PTPRT: variants seen among roughly 807,000 people sequenced by gnomAD.
PTPRT encodes protein tyrosine phosphatase receptor type T, also known as receptor-type tyrosine-protein phosphatase T.
In PTPRT, 56 loss-of-function variants were observed where a neutral mutation model predicts 176.8. That is an observed-to-expected ratio of 0.32 (90% CI 0.26 to 0.40). The LOEUF (loss-of-function observed/expected upper bound fraction) is 0.40, where lower values mean the gene tolerates loss of function less well. Among genes scored for constraint, PTPRT ranks in the 10% least tolerant of loss-of-function variants. PTPRT has a pLI of 1.00. For synonymous variants in PTPRT, 783 were observed against 739.0 expected (o/e 1.06, Z -0.96); for missense variants, 1,540 against 1,908.2 (o/e 0.81, Z 3.60).
intron 2 of PTPRT, among the ~76,000 whole-genome samples, chr20:42,813,972 A>C (rs894064869): frequency 2.6e-4 from 39 of 152,122 alleles, no homozygotes; most frequent in African/African-American, 7.5e-4. Flanking sequence ...TGCTTTGTTT[A>C]TACCCCCATC....
chr20:42,061,135 G>A, the PTPRT span, among the ~76,000 whole-genome samples: 1 of 152,182 alleles, frequency 6.6e-6, no homozygotes, highest in Admixed American at 6.5e-5. Context: ...CATCTCAGTG[G>A]CTTCATCTAT....
intron 7 of PTPRT, among the ~76,000 whole-genome samples, chr20:42,477,955 G>C (rs1047338267): frequency 6.6e-6 from 1 of 152,194 alleles, no homozygotes; most frequent in South Asian, 2.1e-4. Flanking sequence ...GGGCCAATGG[G>C]CTGGCCAAAG....
chr20:42,551,342 C>T (rs953309859), intron 7 of PTPRT, among the ~76,000 whole-genome samples: 1 of 152,212 alleles, frequency 6.6e-6, no homozygotes, highest in East Asian at 1.9e-4. Flanking sequence ...ATCAGGCACA[C>T]ACAAAAAGCA....
rs146498065 is a variant in PTPRT at position 43,154,254 on chromosome 20, G to A, written c.88+35392C>T. Among the ~76,000 whole-genome samples the A allele has an allele frequency of 2.6e-5, 4 of 152,244 alleles. No homozygotes were observed. In the East Asian group the frequency reaches 7.7e-4, roughly 29 times the overall value. On this transcript the variant is annotated intron_variant, in intron 1 of 30. Transcript: ENST00000373187. ...TCTGCATATGGATATCCACTTTCCCGAATACCATTTACTGGCAAGACTGTC... is the reference window on the plus strand; with the variant it reads ...TCTGCATATGGATATCCACTTTCCCAAATACCATTTACTGGCAAGACTGTC...
Position 42,332,955 on chromosome 20 carries a change from A to G in PTPRT, c.1866-16959T>C, listed in dbSNP as rs141481157. Among the ~76,000 whole-genome samples the G allele has an allele frequency of 4.1e-3, 627 of 152,368 alleles. 5 individuals are homozygous for G. The highest frequency in any genetic ancestry group is 0.014 in the African/African-American group (586 of 41,584). On this transcript the variant is annotated intron_variant, in intron 11 of 30. Transcript: ENST00000373187. ...CAAAATCATGTAAGGCAAAGAATGCACTCAAGTGCAAGACAGATATAAATT... is the reference window on the plus strand; with the variant it reads ...CAAAATCATGTAAGGCAAAGAATGCGCTCAAGTGCAAGACAGATATAAATT...
At chr20:42,879,424 G>C (rs541439835) in intron 2 of PTPRT, among the ~76,000 whole-genome samples, 1 of 152,224 alleles carries the variant, frequency 6.6e-6, no homozygotes, top group South Asian at 2.1e-4. Flanking sequence ...ATGTGTGTAT[G>C]TATCTTTGCC....
At chr20:43,067,239 TA>T (rs1323654718) in intron 1 of PTPRT, among the ~76,000 whole-genome samples, 14 of 152,232 alleles carry the variant, frequency 9.2e-5, no homozygotes, top group Admixed American at 7.2e-4. Context: ...ACATTTTGTA[TA>T]ATTTAATGTA....
At chr20:42,484,660 C>G (rs1249113039) in intron 7 of PTPRT, among the ~76,000 whole-genome samples, 1 of 152,180 alleles carries the variant, frequency 6.6e-6, no homozygotes, top group Admixed American at 6.5e-5. Flanking sequence ...TACCGGTGCT[C>G]TTGTGAGTTA....
At chr20:42,457,644 T>C (rs973508783) in intron 8 of PTPRT, among the ~76,000 whole-genome samples, 1 of 152,188 alleles carries the variant, frequency 6.6e-6, no homozygotes, top group Non-Finnish European at 1.5e-5. Flanking sequence ...GATATATTCA[T>C]ACATTACTTG....
chr20:42,502,344 C>A (rs1236541234), intron 7 of PTPRT, among the ~76,000 whole-genome samples: 1 of 150,928 alleles, frequency 6.6e-6, no homozygotes, highest in Non-Finnish European at 1.5e-5. Flanking sequence ...CCTACAGTAT[C>A]CACTTCCAAT....
intron 9 of PTPRT, among the ~76,000 whole-genome samples, chr20:42,389,829 TGG>T (rs1259395582): frequency 4.5e-5 from 6 of 134,666 alleles, no homozygotes; most frequent in African/African-American, 1.7e-4. Context: ...CATTCCAGCC[TGG>T]GAAACAGAGC....
rs193260911 is a variant in PTPRT at position 42,920,405 on chromosome 20, A to C, written c.89-34473T>G. 2.2e-3 allele frequency among the ~76,000 whole-genome samples: 335 copies of C among 152,044 alleles called. 1 individual carries two copies. The highest frequency in any genetic ancestry group is 7.7e-3 in the African/African-American group (321 of 41,486). ...TGGAGCAGGGAGTTGGCAGGGAGGG[A>C]AGTTGAGGGGAGGGTGATAAAAAGC... On this transcript the variant is annotated intron_variant, in intron 1 of 30. Transcript: ENST00000373187.
intron 7 of PTPRT, among the ~76,000 whole-genome samples, chr20:42,664,738 T>C (rs1193957639): frequency 1.3e-5 from 2 of 152,096 alleles, no homozygotes; most frequent in African/African-American, 2.4e-5. Flanking sequence ...CAAAGTGTCA[T>C]ATAAATTTTA....
chr20:42,767,977 TAC>T (rs35599788), intron 5 of PTPRT, among the ~76,000 whole-genome samples: 36,423 of 124,850 alleles, frequency 0.29, 5,108 homozygotes, highest in East Asian at 0.44. Flanking sequence ...TATAAAATTA[TAC>T]ACACACACAC....
chr20:42,723,723 T>C (rs1193596555), intron 6 of PTPRT, among the ~76,000 whole-genome samples: 2 of 152,214 alleles, frequency 1.3e-5, no homozygotes, highest in Admixed American at 6.5e-5. Context: ...GCTTTTGAGA[T>C]ATCCTCATTG....
chr20:43,170,251 C>A (rs2014964233), intron 1 of PTPRT, among the ~76,000 whole-genome samples: 1 of 152,036 alleles, frequency 6.6e-6, no homozygotes, highest in South Asian at 2.1e-4. Flanking sequence ...TATTTATTCA[C>A]CATTTTATAT....
chr20:42,406,575 G>A (rs1288951816), intron 9 of PTPRT, among the ~76,000 whole-genome samples: 1 of 151,802 alleles, frequency 6.6e-6, no homozygotes, highest in African/African-American at 2.4e-5. Flanking sequence ...TATCCTTTAA[G>A]GAAAGATAAC....
At chr20:42,622,812 G>A (rs533153012) in intron 7 of PTPRT, among the ~76,000 whole-genome samples, 12 of 152,220 alleles carry the variant, frequency 7.9e-5, no homozygotes, top group Non-Finnish European at 1.6e-4. Context: ...ACAGGAGATA[G>A]GGAAATACTG....
At chr20:42,466,696 TA>T (rs1421151943) in intron 8 of PTPRT, among the ~76,000 whole-genome samples, 2 of 152,014 alleles carry the variant, frequency 1.3e-5, no homozygotes, top group African/African-American at 4.8e-5. Flanking sequence ...GCTCATGACT[TA>T]AAACAAAAAT....
Sources: gnomAD v4.1 joint callset for allele counts (sites outside exome capture counted in the v4.1 genomes callset) on GRCh38, gnomAD v4.1.1 for gene constraint, MANE v1.5 for transcripts, NCBI Gene and HGNC (gene_info 2026-07-23, HGNC 2026-07-21) for gene names.